Variants in PLEKHD1 observed in about 807,000 individuals in gnomAD.
PLEKHD1 encodes pleckstrin homology and coiled-coil domain containing D1, also known as pleckstrin homology domain-containing family D member 1.
PLEKHD1 carries 51 observed loss-of-function variants against 69.2 expected under a neutral mutation model. The observed-to-expected ratio is 0.74, with a 90% confidence interval of 0.59 to 0.93. The LOEUF (loss-of-function observed/expected upper bound fraction) is 0.93, where lower values mean the gene tolerates loss of function less well. PLEKHD1 is among the 40% of genes least tolerant of loss of function. The pLI is 0.00. For synonymous variants in PLEKHD1, 236 were observed against 244.7 expected (o/e 0.96, Z 0.33); for missense variants, 584 against 641.0 (o/e 0.91, Z 0.96).
chr14:69,492,773 T>G (rs1238273907), intron 1 of PLEKHD1, among the ~76,000 whole-genome samples: 7 of 152,148 alleles, frequency 4.6e-5, no homozygotes, highest in Non-Finnish European at 5.9e-5. Context: ...TTGTTTTTGT[T>G]TTTTAGGGTC....
At chr14:69,527,050 G>A (rs748687782) in intron 10 of PLEKHD1, 138 bp from the exon 11 acceptor site, 12 of 1,238,034 alleles carry the variant, frequency 9.7e-6, no homozygotes, top group Non-Finnish European at 1.3e-5. Context: ...CTGGTTCAAA[G>A]GGTAAGACTC....
At chr14:69,489,821 C>T (rs899172206) in intron 1 of PLEKHD1, among the ~76,000 whole-genome samples, 1 of 152,058 alleles carries the variant, frequency 6.6e-6, no homozygotes, top group Admixed American at 6.6e-5. Context: ...ACTCCCCACC[C>T]ACTTCAAGCA....
the PLEKHD1 span, among the ~76,000 whole-genome samples, chr14:69,478,838 G>A: frequency 6.6e-4 from 101 of 152,150 alleles, 2 homozygotes; most frequent in South Asian, 0.013. Flanking sequence ...CCTCCAAACC[G>A]TTCCAACCTC....
intron 1 of PLEKHD1, among the ~76,000 whole-genome samples, chr14:69,490,360 G>A (rs1882750599): frequency 6.6e-6 from 1 of 152,190 alleles, no homozygotes; most frequent in Admixed American, 6.5e-5. Context: ...AGAATCTAAT[G>A]CCGCCGCTGA....
At chr14:69,496,628 A>G (rs2139500882) in intron 1 of PLEKHD1, among the ~76,000 whole-genome samples, 1 of 150,200 alleles carries the variant, frequency 6.7e-6, no homozygotes, top group Admixed American at 6.6e-5. Context: ...GCAGCTTTGA[A>G]CTCCTGGACT....
intron 5 of PLEKHD1, chr14:69,502,547 C>T (rs2139507663): frequency 2.2e-6 from 1 of 460,328 alleles, no homozygotes; most frequent in East Asian, 4.2e-5. Flanking sequence ...GGGACTAGCC[C>T]AGGTGCAGCA....
chr14:69,521,249 A>C (rs1205473156), intron 6 of PLEKHD1, among the ~76,000 whole-genome samples: 1 of 152,242 alleles, frequency 6.6e-6, no homozygotes, highest in Non-Finnish European at 1.5e-5. Context: ...CCAAAGTGCC[A>C]GTAATGATTA....
chr14:69,487,613 A>G lies in PLEKHD1; in HGVS notation c.149+2499A>G, dbSNP rs1594971962. ...CTGTGCCTCCAGCTTCCACCGCCCAAGCAGCCCTGCCTGCCTGGGGTGGGA... is the reference window on the plus strand; with the variant it reads ...CTGTGCCTCCAGCTTCCACCGCCCAGGCAGCCCTGCCTGCCTGGGGTGGGA... On this transcript the variant is annotated intron_variant, in intron 1 of 12. Coordinates refer to ENST00000322564, the MANE Select transcript of PLEKHD1 (RefSeq NM_001161498.2). 5.3e-5 allele frequency among the ~76,000 whole-genome samples: 8 copies of G among 152,334 alleles called. No homozygotes were observed. In the South Asian group the frequency reaches 1.7e-3, roughly 32 times the overall value.
At chr14:69,515,057 G>T (rs1476648578) in intron 6 of PLEKHD1, among the ~76,000 whole-genome samples, 1 of 152,128 alleles carries the variant, frequency 6.6e-6, no homozygotes, top group Non-Finnish European at 1.5e-5. Flanking sequence ...AATTAGCTTG[G>T]TGTGGTGGTG....
chr14:69,471,090 CTTTTTTTTTTTTTTTTTTTT>C, the PLEKHD1 span, among the ~76,000 whole-genome samples: 3 of 44,720 alleles, frequency 6.7e-5, no homozygotes, highest in African/African-American at 8.5e-5. Flanking sequence ...CGTGCCTGGC[CTTTTTTTTTTTTTTTTTTTT>C]TTTTTTTTTT....
chr14:69,484,945 G>T lies in PLEKHD1; in HGVS notation c.-21G>T, dbSNP rs755435885. ...CCCGGGGAGGTGGGGTCCGGGCCGG[G>T]CACAGCCCCGCTGAGGCAGGATGTT... On this transcript the variant is annotated 5_prime_UTR_variant, in exon 1 of 13. Coordinates refer to ENST00000322564, the MANE Select transcript of PLEKHD1 (RefSeq NM_001161498.2). The T allele has an allele frequency of 1.3e-4, 195 of 1,548,474 alleles. No homozygotes were observed. In the East Asian group the frequency reaches 4.7e-3, roughly 38 times the overall value.
At chr14:69,527,641 C>G (rs1241560971) in intron 11 of PLEKHD1, 142 bp from the exon 12 acceptor site, 1 of 1,138,488 alleles carries the variant, frequency 8.8e-7, no homozygotes, top group Non-Finnish European at 1.2e-6. Context: ...AGAAAGTCCC[C>G]TTCAGCAGGT....
At chr14:69,491,958 C>T (rs911444935) in intron 1 of PLEKHD1, among the ~76,000 whole-genome samples, 1 of 149,574 alleles carries the variant, frequency 6.7e-6, no homozygotes. Context: ...ATTTAATTTT[C>T]CCTTTGCCTG....
chr14:69,469,346 C>G, the PLEKHD1 span, among the ~76,000 whole-genome samples: 2 of 152,216 alleles, frequency 1.3e-5, no homozygotes, highest in Non-Finnish European at 2.9e-5. Context: ...ACATTTACAA[C>G]TGTCTCCTTG....
chr14:69,473,338 TC>T, the PLEKHD1 span, among the ~76,000 whole-genome samples: 1 of 106,898 alleles, frequency 9.4e-6, no homozygotes, highest in Non-Finnish European at 1.9e-5. Flanking sequence ...TACCCCACCC[TC>T]CCACCAACCC....
chr14:69,515,394 C>T (rs1208371234), intron 6 of PLEKHD1, among the ~76,000 whole-genome samples: 2 of 151,904 alleles, frequency 1.3e-5, no homozygotes, highest in African/African-American at 4.8e-5. Flanking sequence ...TTGTCAATTG[C>T]AGTTCAGGTT....
the PLEKHD1 span, among the ~76,000 whole-genome samples, chr14:69,471,975 C>T: frequency 1.3e-5 from 2 of 152,166 alleles, no homozygotes; most frequent in African/African-American, 4.8e-5. Flanking sequence ...GGCTGCTTCA[C>T]GGAAATGGTG....
chr14:69,497,005 G>T (rs1882904476), intron 1 of PLEKHD1, among the ~76,000 whole-genome samples: 1 of 152,104 alleles, frequency 6.6e-6, no homozygotes, highest in African/African-American at 2.4e-5. Context: ...GAGACATATT[G>T]AGTCCATAGT....
chr14:69,528,046 C>T (rs1883700141), intron 12 of PLEKHD1, 114 bp downstream of exon 12: 2 of 1,496,810 alleles, frequency 1.3e-6, no homozygotes, highest in Non-Finnish European at 9.0e-7. Context: ...GGCCTTGAAC[C>T]TGGCCCCACC....
Sources: gnomAD v4.1 joint callset for allele counts (sites outside exome capture counted in the v4.1 genomes callset) on GRCh38, gnomAD v4.1.1 for gene constraint, MANE v1.5 for transcripts, NCBI Gene and HGNC (gene_info 2026-07-23, HGNC 2026-07-21) for gene names.